The following PPP2R5E variants were observed in gnomAD, a reference collection of about 807,000 sequenced individuals.
PPP2R5E encodes protein phosphatase 2 regulatory subunit B'epsilon, also known as serine/threonine-protein phosphatase 2A 56 kDa regulatory subunit epsilon isoform.
In PPP2R5E, 4 loss-of-function variants were observed where a neutral mutation model predicts 65.3. The observed-to-expected ratio is 0.06, with a 90% CI of 0.03 to 0.14. PPP2R5E has a LOEUF of 0.14. PPP2R5E is among the 10% of genes least tolerant of loss of function. The pLI, the probability that PPP2R5E is intolerant of heterozygous loss-of-function variation, is 1.00. For missense variants in PPP2R5E, 274 were observed against 556.1 expected (o/e 0.49, Z 5.10); for synonymous variants, 183 against 187.4 (o/e 0.98, Z 0.19).
intron 3 of PPP2R5E, among the ~76,000 whole-genome samples, chr14:63,430,963 T>G (rs576251290): frequency 2.6e-5 from 4 of 152,110 alleles, no homozygotes; most frequent in African/African-American, 9.7e-5. Context: ...TTCAAATCTG[T>G]TATTATAGTA....
chr14:63,487,203 T>A (rs141074553), intron 2 of PPP2R5E, among the ~76,000 whole-genome samples: 23 of 152,222 alleles, frequency 1.5e-4, no homozygotes, highest in Admixed American at 3.9e-4. Flanking sequence ...AGTATCCTAG[T>A]ATTTTAACAC....
chr14:63,398,496 T>C (rs541113761), intron 5 of PPP2R5E, among the ~76,000 whole-genome samples: 3 of 152,226 alleles, frequency 2.0e-5, no homozygotes, highest in Non-Finnish European at 4.4e-5. Context: ...TGCTCTATTT[T>C]ATTGATCATT....
intron 2 of PPP2R5E, among the ~76,000 whole-genome samples, chr14:63,469,554 C>T (rs577554228): frequency 6.6e-6 from 1 of 152,150 alleles, no homozygotes; most frequent in East Asian, 1.9e-4. Flanking sequence ...AGTAGCCAGG[C>T]GTGGTGGCGA....
chr14:63,501,691 T>C (rs1001481742), intron 2 of PPP2R5E, among the ~76,000 whole-genome samples: 1 of 152,120 alleles, frequency 6.6e-6, no homozygotes, highest in Non-Finnish European at 1.5e-5. Flanking sequence ...TTGCACACTT[T>C]AGATGAGTGA....
At chr14:63,505,890 T>G (rs1892146685) in intron 2 of PPP2R5E, among the ~76,000 whole-genome samples, 1 of 152,086 alleles carries the variant, frequency 6.6e-6, no homozygotes, top group Non-Finnish European at 1.5e-5. Flanking sequence ...GTGGGGAGTA[T>G]TATAATCAAT....
rs528618009 is a variant in PPP2R5E, at chr14:63,408,953, C to T, written c.549+6187G>A. ...CTACCAAAAATACAAAAATTAGGGC[C>T]GGGCTTGGTGGCTCATGCCTGTAAT... On this transcript the variant is annotated intron_variant, in intron 5 of 13. Transcript: ENST00000337537. Among the ~76,000 whole-genome samples the T allele has an allele frequency of 1.2e-4, 18 of 152,004 alleles. No individual in the cohort carries two copies. In the South Asian group the frequency reaches 2.3e-3, roughly 19 times the overall value.
intron 2 of PPP2R5E, among the ~76,000 whole-genome samples, chr14:63,476,351 G>T (rs1211738067): frequency 6.6e-6 from 1 of 152,090 alleles, no homozygotes; most frequent in East Asian, 1.9e-4. Context: ...GAGCTAAGCT[G>T]GCTAGGTTTG....
At chr14:63,452,761 A>C (rs1213348346) in intron 3 of PPP2R5E, 1 of 152,120 alleles carries the variant, frequency 6.6e-6, no homozygotes. Context: ...AAACATATCT[A>C]CTCCATCACA....
Position 63,539,668 on chromosome 14 carries a change from A to G in PPP2R5E, c.18T>C (p.Thr6=). The G allele has an allele frequency of 6.2e-7, 1 of 1,613,888 alleles. No individual in the cohort carries two copies. The highest frequency in any genetic ancestry group is 8.5e-7 in the Non-Finnish European group (1 of 1,179,826). ...CTACTTTATCCACTGATGGAGGAGT[A>G]GTTGGTGCTGAGGACATATCCCTAC... MSSAP[T]TPPSVDKVDG... is the part of the protein sequence containing the mutation. The change falls in exon 2 of 14, where the codon ACT becomes ACC. Residue 6 remains threonine, a synonymous_variant. Coordinates refer to ENST00000337537, the MANE Select transcript of PPP2R5E (RefSeq NM_006246.5).
intron 3 of PPP2R5E, among the ~76,000 whole-genome samples, chr14:63,423,152 T>C (rs1051855197): frequency 3.3e-5 from 5 of 152,240 alleles, no homozygotes; most frequent in African/African-American, 9.6e-5. Flanking sequence ...TGGAGTGCAG[T>C]GACGCAATCT....
chr14:63,493,134 T>TA (rs1207363464), intron 2 of PPP2R5E, among the ~76,000 whole-genome samples: 3 of 151,984 alleles, frequency 2.0e-5, no homozygotes, highest in African/African-American at 7.2e-5. Context: ...AGTTGTATGA[T>TA]AGAGCACCCT....
At chr14:63,473,988 G>A (rs1318208781) in intron 2 of PPP2R5E, among the ~76,000 whole-genome samples, 1 of 152,188 alleles carries the variant, frequency 6.6e-6, no homozygotes, top group Non-Finnish European at 1.5e-5. Context: ...AAACCTGAGG[G>A]AGAGACATTC....
chr14:63,449,873 T>A (rs1888711904), intron 3 of PPP2R5E, among the ~76,000 whole-genome samples: 1 of 49,730 alleles, frequency 2.0e-5, no homozygotes, highest in Non-Finnish European at 3.2e-5. Flanking sequence ...TCTTTTCCTA[T>A]TTTTTTTTTT....
chr14:63,520,859 CAA>C (rs748146106), intron 2 of PPP2R5E, among the ~76,000 whole-genome samples: 218 of 58,462 alleles, frequency 3.7e-3, no homozygotes, highest in African/African-American at 8.6e-3. Context: ...ACTAAAAATA[CAA>C]AAAAAAAAAA....
intron 2 of PPP2R5E, among the ~76,000 whole-genome samples, chr14:63,476,962 G>C (rs147360564): frequency 1.3e-3 from 199 of 152,082 alleles, no homozygotes; most frequent in Non-Finnish European, 2.0e-3. Context: ...TACTACAAAC[G>C]TACACACACA....
chr14:63,446,828 C>CAAAA (rs55892835), intron 3 of PPP2R5E, among the ~76,000 whole-genome samples: 4 of 92,134 alleles, frequency 4.3e-5, no homozygotes, highest in Non-Finnish European at 6.7e-5. Context: ...GACTCCATCT[C>CAAAA]AAAAAAAAAA....
Position 63,542,985 on chromosome 14 carries a change from C to T in PPP2R5E, c.-214G>A, listed in dbSNP as rs1290374204. 1 of 152,912 alleles carries T rather than the reference C, an allele frequency of 6.5e-6. No individual in the cohort carries two copies. Among genetic ancestry groups the T allele is most frequent in the Non-Finnish European group, 1.5e-5 (1 of 68,630 alleles). The allele number at this position is 152,912 out of a possible 1,614,324, so 9.5% of individuals were successfully genotyped here. A position where few individuals can be genotyped will look rare whatever the true frequency, so the allele number is the denominator to read the frequency against. ...GAGCCTCTAGGCCTCACGGCCGGAC[C>T]CGAACCTCAGCGTTCCGGTGGCGGC... On this transcript the variant is annotated 5_prime_UTR_variant, in exon 1 of 14. Transcript: ENST00000337537.
At chr14:63,399,772 A>G (rs1475038) in intron 5 of PPP2R5E, among the ~76,000 whole-genome samples, 16,638 of 152,100 alleles carry the variant, frequency 0.11, 1,122 homozygotes, top group East Asian at 0.25. Context: ...GCAATAAAGC[A>G]AAATTCAGTT....
chr14:63,515,577 C>G (rs1388956348), intron 2 of PPP2R5E, among the ~76,000 whole-genome samples: 5 of 151,874 alleles, frequency 3.3e-5, no homozygotes, highest in African/African-American at 1.2e-4. Flanking sequence ...GTAGCCCAGA[C>G]TGGTGTGATC....
Sources: allele counts gnomAD v4.1 joint callset (sites outside exome capture counted in the v4.1 genomes callset), GRCh38; gene constraint gnomAD v4.1.1; transcripts MANE v1.5; gene names NCBI Gene and HGNC (gene_info 2026-07-23, HGNC 2026-07-21).